LRBA: variants seen among roughly 807,000 people sequenced by gnomAD.
The protein encoded by LRBA is LPS responsive beige-like anchor protein, also known as lipopolysaccharide-responsive and beige-like anchor protein.
A neutral mutation model predicts 330.0 loss-of-function variants in LRBA; 176 were observed. The ratio of observed to expected loss-of-function variants is 0.53; its 90% CI spans 0.47 to 0.60. The LOEUF is 0.60. LRBA is among the 20% of genes least tolerant of loss of function. LRBA has a pLI of 0.00. For synonymous variants in LRBA, 1,230 were observed against 1,193.0 expected (o/e 1.03, Z -0.64); for missense variants, 3,259 against 3,444.8 (o/e 0.95, Z 1.35).
chr4:151,008,648 G>A (rs1202707139), intron 2 of LRBA, among the ~76,000 whole-genome samples: 1 of 151,726 alleles, frequency 6.6e-6, no homozygotes, highest in South Asian at 2.1e-4. Flanking sequence ...TGTTATTCAA[G>A]AGTCAACTGC....
At chr4:150,405,729 A>G (rs2151936708) in intron 47 of LRBA, among the ~76,000 whole-genome samples, 1 of 152,216 alleles carries the variant, frequency 6.6e-6, no homozygotes, top group Non-Finnish European at 1.5e-5. Flanking sequence ...TACTGGAATT[A>G]AGTTGGTAAT....
chr4:150,702,015 G>A (rs962363487), intron 36 of LRBA, among the ~76,000 whole-genome samples: 15 of 152,094 alleles, frequency 9.9e-5, no homozygotes, highest in African/African-American at 3.6e-4. Context: ...ACTAGAAACA[G>A]AAAACTATAG....
At chr4:150,767,916 T>C (rs1735996491) in intron 34 of LRBA, among the ~76,000 whole-genome samples, 1 of 150,740 alleles carries the variant, frequency 6.6e-6, no homozygotes, top group Non-Finnish European at 1.5e-5. Flanking sequence ...ATACAAAAAT[T>C]AGTCAGGCGT....
chr4:150,617,751 C>A (rs1374141013), intron 37 of LRBA, among the ~76,000 whole-genome samples: 2 of 152,180 alleles, frequency 1.3e-5, no homozygotes, highest in Non-Finnish European at 2.9e-5. Flanking sequence ...CATCAATTTT[C>A]TTTTACCAGT....
intron 48 of LRBA, among the ~76,000 whole-genome samples, chr4:150,342,919 G>C (rs1456391652): frequency 3.3e-5 from 5 of 152,036 alleles, no homozygotes; most frequent in African/African-American, 9.7e-5. Context: ...ATCTATCCTT[G>C]TACCATGATT....
intron 36 of LRBA, among the ~76,000 whole-genome samples, chr4:150,696,346 T>C (rs1197370472): frequency 1.3e-5 from 2 of 152,208 alleles, no homozygotes; most frequent in African/African-American, 4.8e-5. Context: ...GCACCAACTC[T>C]AGAGCTAGAT....
At chr4:150,624,367 CAAAATA>C (rs1322510854) in intron 37 of LRBA, among the ~76,000 whole-genome samples, 3 of 150,552 alleles carry the variant, frequency 2.0e-5, no homozygotes, top group South Asian at 2.1e-4. Context: ...GACTCTGTCT[CAAAATA>C]AAAATAAAAA....
chr4:150,530,733 C>T (rs1419216229), intron 40 of LRBA, among the ~76,000 whole-genome samples: 1 of 152,166 alleles, frequency 6.6e-6, no homozygotes, highest in Admixed American at 6.5e-5. Flanking sequence ...AGCATCTCAA[C>T]CTGGGGAAAC....
chr4:150,759,394 T>C (rs1158772233), intron 35 of LRBA, among the ~76,000 whole-genome samples: 8 of 152,226 alleles, frequency 5.3e-5, no homozygotes, highest in Non-Finnish European at 7.3e-5. Flanking sequence ...TCTTGCTATA[T>C]TGGCCTCATT....
At chr4:150,291,982 C>A (rs984672106) in intron 53 of LRBA, among the ~76,000 whole-genome samples, 3 of 152,140 alleles carry the variant, frequency 2.0e-5, no homozygotes, top group African/African-American at 7.2e-5. Flanking sequence ...AACAAAAAAC[C>A]AAACACCGCA....
At chr4:150,489,666 AG>A (rs1161547674) in intron 41 of LRBA, among the ~76,000 whole-genome samples, 1 of 124,956 alleles carries the variant, frequency 8.0e-6, no homozygotes, top group African/African-American at 3.1e-5. Context: ...ATTATATATA[AG>A]AATATATATT....
At chr4:150,842,417 A>T (rs1273343097) in intron 28 of LRBA, among the ~76,000 whole-genome samples, 1 of 152,208 alleles carries the variant, frequency 6.6e-6, no homozygotes, top group Admixed American at 6.5e-5. Context: ...CCTCCCAAGT[A>T]GCTAGGACTA....
chr4:150,463,085 T>C (rs1474546606), intron 44 of LRBA, among the ~76,000 whole-genome samples: 1 of 152,016 alleles, frequency 6.6e-6, no homozygotes, highest in Non-Finnish European at 1.5e-5. Flanking sequence ...AAATATCTGA[T>C]GTGCTTGATT....
intron 37 of LRBA, among the ~76,000 whole-genome samples, chr4:150,633,674 T>C (rs926225824): frequency 7.2e-5 from 11 of 152,188 alleles, no homozygotes; most frequent in Non-Finnish European, 1.5e-4. Context: ...GGCTCCTTAT[T>C]CCTCTTTAGA....
chr4:150,908,713 G>C lies in LRBA; in HGVS notation c.1306C>G (p.Pro436Ala). 7 of 1,614,016 alleles carry C rather than the reference G, an allele frequency of 4.3e-6. No individual in the cohort carries two copies. Among genetic ancestry groups the C allele is most frequent in the Non-Finnish European group, 5.9e-6 (7 of 1,179,904 alleles). ...TDAQLCLESSPKDNPSIFVHS... is the reference protein window; with the variant it reads ...TDAQLCLESSAKDNPSIFVHS... ...ACAAAAATTGAAGGGTTGTCCTTAG[G>C]AGATGATTCAAGACAAAGCTGGGCA... Residue 436 changes from proline to alanine, a missense_variant, in exon 10 of 57, where the codon CCT (proline) becomes GCT (alanine). Transcript: ENST00000651943.
At chr4:150,681,009 G>C (rs1415329695) in intron 37 of LRBA, among the ~76,000 whole-genome samples, 1 of 152,128 alleles carries the variant, frequency 6.6e-6, no homozygotes, top group Non-Finnish European at 1.5e-5. Context: ...TGCCACAAAT[G>C]AAATTTCTAA....
intron 37 of LRBA, among the ~76,000 whole-genome samples, chr4:150,679,071 C>T (rs1782827128): frequency 6.6e-6 from 1 of 151,868 alleles, no homozygotes; most frequent in African/African-American, 2.4e-5. Flanking sequence ...GAAAATACGT[C>T]AAGATGAGTT....
Position 150,896,383 on chromosome 4 carries a change from T to C in LRBA, c.2067+11A>G, listed in dbSNP as rs185860143. 5.3e-4 allele frequency: 739 copies of C among 1,385,992 alleles called. 8 individuals carry two copies. The East Asian group carries it at 0.014, about 26-fold the overall frequency. The allele number at this position is 1,385,992 out of a possible 1,614,324, so 85.9% of individuals were successfully genotyped here. ...AAATTAAAATTTCAAAATATAAAAT[T>C]CATATATTACCTCATGCATAGTCAG... On this transcript the variant is annotated intron_variant, in intron 16 of 56. Coordinates refer to ENST00000651943, the MANE Select transcript of LRBA (RefSeq NM_001364905.1).
intron 34 of LRBA, among the ~76,000 whole-genome samples, chr4:150,762,748 C>A (rs1735264703): frequency 6.6e-6 from 1 of 151,862 alleles, no homozygotes; most frequent in South Asian, 2.1e-4. Context: ...ATTCTAACTA[C>A]ATAATATCCC....
Sources: allele counts gnomAD v4.1 joint callset (sites outside exome capture counted in the v4.1 genomes callset), GRCh38; gene constraint gnomAD v4.1.1; transcripts MANE v1.5; gene names NCBI Gene and HGNC (gene_info 2026-07-23, HGNC 2026-07-21).